LYG1: variants seen among roughly 807,000 people sequenced by gnomAD.
The protein encoded by LYG1 is lysozyme g-like protein 1.
A neutral mutation model predicts 21.7 loss-of-function variants in LYG1; 17 were observed. The ratio of observed to expected loss-of-function variants is 0.78; its 90% CI spans 0.54 to 1.18. The LOEUF (loss-of-function observed/expected upper bound fraction) is 1.18. Ranked by LOEUF, LYG1 falls within the 50% of genes most tolerant of loss-of-function variation. The probability of loss-of-function intolerance (pLI) is 0.00; values close to 1 mark genes in which losing one functional copy is unlikely to be tolerated. For synonymous variants in LYG1, 81 were observed against 87.4 expected (o/e 0.93, Z 0.41); for missense variants, 211 against 238.1 (o/e 0.89, Z 0.75).
At chr2:99,287,186 A>T (rs2105289793) in intron 5 of LYG1, among the ~76,000 whole-genome samples, 1 of 152,358 alleles carries the variant, frequency 6.6e-6, no homozygotes, top group Middle Eastern at 3.4e-3. Context: ...TAGAGATCTG[A>T]TGTATGACAT....
At chr2:99,292,782 T>G in intron 3 of LYG1, 142 bp from the exon 4 acceptor site, 1 of 630,766 alleles carries the variant, frequency 1.6e-6, no homozygotes. Context: ...CTCTTGAAAT[T>G]TAAATGAGAA....
intron 5 of LYG1, among the ~76,000 whole-genome samples, chr2:99,287,309 A>C (rs1032644159): frequency 3.3e-5 from 5 of 152,200 alleles, no homozygotes; most frequent in African/African-American, 1.2e-4. Flanking sequence ...CTCACTTGTA[A>C]GTGGGAGCTA....
At chr2:99,286,143 A>G (rs2094099018) in intron 5 of LYG1, among the ~76,000 whole-genome samples, 1 of 152,146 alleles carries the variant, frequency 6.6e-6, no homozygotes, top group African/African-American at 2.4e-5. Context: ...GGGACTCTGC[A>G]AAGAGTCCCC....
upstream of LYG1, among the ~76,000 whole-genome samples, chr2:99,301,359 TG>T (rs1438612922): frequency 2.0e-5 from 3 of 149,728 alleles, no homozygotes; most frequent in Non-Finnish European, 4.4e-5. Flanking sequence ...CATCATTTTC[TG>T]GGAATGTGGG....
At chr2:99,302,633 C>T (rs2094157891), upstream of LYG1, among the ~76,000 whole-genome samples, 2 of 152,112 alleles carry the variant, frequency 1.3e-5, no homozygotes, top group Admixed American at 6.6e-5. Context: ...TACATGTTTA[C>T]GGAATGAGTA....
chr2:99,295,831 T>C, intron 2 of LYG1, 129 bp from the exon 3 acceptor site: 1 of 896,056 alleles, frequency 1.1e-6, no homozygotes, highest in South Asian at 1.6e-5. Context: ...AAATGAATTA[T>C]TTGAATCATA....
upstream of LYG1, among the ~76,000 whole-genome samples, chr2:99,303,926 C>T (rs1466330527): frequency 6.6e-6 from 1 of 152,044 alleles, no homozygotes; most frequent in African/African-American, 2.4e-5. Context: ...AATCCCAGCA[C>T]TTTGGGAGGC....
chr2:99,300,057 A>G (rs1011746881), intron 1 of LYG1, among the ~76,000 whole-genome samples: 1 of 150,956 alleles, frequency 6.6e-6, no homozygotes, highest in Non-Finnish European at 1.5e-5. Flanking sequence ...ATAAAATAAT[A>G]TAAAATTATT....
rs754766687 is a variant in LYG1 at position 99,292,551 on chromosome 2, C to T, written c.133G>A (p.Gly45Ser). ...TCATAGCTACCACAGTAGTTCAGGC[C>T]GTGACGTCTTCCAATCCCACAAGAT... The part of the protein sequence containing the change: ...GASCGIGRRH[G>S]LNYCGVRASE... The change falls in exon 4 of 7, where the codon GGC (glycine) becomes AGC (serine). Residue 45 changes from glycine to serine, a missense_variant. By Grantham distance (56) the Gly-to-Ser change is moderately conservative. Coordinates refer to ENST00000308528, the MANE Select transcript of LYG1 (RefSeq NM_174898.3). The T allele has an allele frequency of 8.1e-6, 13 of 1,613,582 alleles. No individual in the cohort carries two copies. Among genetic ancestry groups the T allele is most frequent in the Admixed American group, 3.3e-5 (2 of 59,982 alleles).
Position 99,284,434 on chromosome 2 carries a change from C to T in LYG1, c.544G>A (p.Val182Ile), listed in dbSNP as rs771483635. Residue 182 changes from valine (V) to isoleucine (I), a missense_variant, in exon 7 of 7, where the codon GTC becomes ATC. Val to Ile is a conservative substitution (Grantham distance 29). Coordinates refer to ENST00000308528, the MANE Select transcript of LYG1 (RefSeq NM_174898.3). Reference protein sequence around the residue: ...QDLSCDFCNDVLARAKYLKRH... With the variant: ...QDLSCDFCNDILARAKYLKRH... ...TTGAGGTACTTGGCTCGTGCAAGGA[C>T]ATCATTGCAGAAGTCACAGCTCAGG... 1.9e-6 allele frequency: 3 copies of T among 1,614,204 alleles called. No homozygotes were observed. The highest frequency in any genetic ancestry group is 8.5e-7 in the Non-Finnish European group (1 of 1,180,020).
chr2:99,289,981 C>T (rs1304754383), intron 5 of LYG1, among the ~76,000 whole-genome samples: 1 of 152,006 alleles, frequency 6.6e-6, no homozygotes, highest in East Asian at 1.9e-4. Context: ...ACCTCAGCCT[C>T]CCAAGTAGCT....
chr2:99,290,948 A>T (rs556540472), intron 5 of LYG1, among the ~76,000 whole-genome samples: 73 of 152,358 alleles, frequency 4.8e-4, no homozygotes, highest in African/African-American at 1.7e-3. Context: ...GTAACTGAGG[A>T]AAGATTTAAT....
chr2:99,301,621 C>T (rs1320604934), upstream of LYG1, among the ~76,000 whole-genome samples: 1 of 123,692 alleles, frequency 8.1e-6, no homozygotes, highest in Non-Finnish European at 1.7e-5. Flanking sequence ...CAGACCCAGA[C>T]AGGTTTTTGG....
chr2:99,291,703 C>T (rs566943960), intron 4 of LYG1, among the ~76,000 whole-genome samples: 14 of 152,248 alleles, frequency 9.2e-5, no homozygotes, highest in African/African-American at 3.4e-4. Flanking sequence ...CAGGACAATT[C>T]CATGGCCATA....
intron 5 of LYG1, 98 bp downstream of exon 5, chr2:99,291,139 T>C: frequency 8.4e-7 from 1 of 1,183,674 alleles, no homozygotes. Context: ...GAGACCTTCA[T>C]TCATGCTGTG....
intron 5 of LYG1, among the ~76,000 whole-genome samples, chr2:99,286,866 A>C (rs2094101792): frequency 1.3e-5 from 2 of 152,218 alleles, no homozygotes; most frequent in South Asian, 4.1e-4. Context: ...AAACAACCTA[A>C]ATGTACCTGA....
At chr2:99,301,902 A>T (rs2094155625), upstream of LYG1, among the ~76,000 whole-genome samples, 1 of 151,952 alleles carries the variant, frequency 6.6e-6, no homozygotes, top group South Asian at 2.1e-4. Context: ...AAATGTCTAC[A>T]TCAATAAGTA....
At chr2:99,293,919 T>TA (rs1162277561) in intron 3 of LYG1, among the ~76,000 whole-genome samples, 1 of 152,082 alleles carries the variant, frequency 6.6e-6, no homozygotes, top group African/African-American at 2.4e-5. Context: ...TTTAATTAAT[T>TA]AATTAATTAA....
chr2:99,288,851 C>T (rs558207375), intron 5 of LYG1, among the ~76,000 whole-genome samples: 98 of 152,166 alleles, frequency 6.4e-4, no homozygotes, highest in Middle Eastern at 3.4e-3. Context: ...ATTTTAAAGA[C>T]GTGAGCCACT....
Sources: gnomAD v4.1 joint callset for allele counts (sites outside exome capture counted in the v4.1 genomes callset) on GRCh38, gnomAD v4.1.1 for gene constraint, MANE v1.5 for transcripts, NCBI Gene and HGNC (gene_info 2026-07-23, HGNC 2026-07-21) for gene names.